CCDC25: variants seen among roughly 807,000 people sequenced by gnomAD.
The protein encoded by CCDC25 is coiled-coil domain-containing protein 25.
A neutral mutation model predicts 35.3 loss-of-function variants in CCDC25; 16 were observed. The ratio of observed to expected loss-of-function variants is 0.45; its 90% CI spans 0.31 to 0.69. The LOEUF is 0.69. Among genes scored for constraint, CCDC25 ranks in the 30% least tolerant of loss-of-function variants. The pLI, the probability that CCDC25 is intolerant of heterozygous loss-of-function variation, is 0.06. For missense variants in CCDC25, 179 were observed against 250.7 expected (o/e 0.71, Z 1.93); for synonymous variants, 79 against 80.3 (o/e 0.98, Z 0.09).
At chr8:27,753,277 G>A (rs889932281) in intron 4 of CCDC25, among the ~76,000 whole-genome samples, 1 of 152,186 alleles carries the variant, frequency 6.6e-6, no homozygotes, top group African/African-American at 2.4e-5. Flanking sequence ...AAAGCCAGCA[G>A]TCTGGCCCCA....
chr8:27,739,512 A>T (rs536113479), intron 8 of CCDC25, among the ~76,000 whole-genome samples: 6 of 152,138 alleles, frequency 3.9e-5, no homozygotes, highest in South Asian at 2.1e-4. Context: ...AAAAACAATT[A>T]AAAAAATACA....
chr8:27,772,460 GGCTT>G, intron 1 of CCDC25, 49 bp downstream of exon 1: 1 of 1,538,542 alleles, frequency 6.5e-7, no homozygotes, highest in Non-Finnish European at 8.8e-7. Flanking sequence ...TGCGGGTCCC[GGCTT>G]CGGAGCCCGC....
intron 8 of CCDC25, among the ~76,000 whole-genome samples, chr8:27,738,818 TG>T (rs1417897310): frequency 6.6e-6 from 1 of 152,224 alleles, no homozygotes; most frequent in Admixed American, 6.5e-5. Context: ...TGAAGACTAC[TG>T]TTTAGTGTTA....
rs546446625 is a variant in CCDC25 at position 27,767,057 on chromosome 8, G to T, written c.29-1806C>A. ...AACATACAGATGGCTTTTGTAATTA[G>T]AACAGAATTTTCAAAATAACAATAT... On this transcript the variant is annotated intron_variant, in intron 1 of 8. Transcript: ENST00000356537. Among the ~76,000 whole-genome samples the T allele has an allele frequency of 9.2e-5, 14 of 152,218 alleles. No individual in the cohort carries two copies. The South Asian group carries it at 2.7e-3, about 29-fold the overall frequency.
At position 27,772,523 on chromosome 8, in the gene CCDC25, G is replaced by A. The variant is rs1253243280; in HGVS notation, c.18C>T (p.Thr6=). MVFYF[T]SSSVNSSAYT... ...GTGGCGCCCACTCACCGCTGCTGCT[G>A]GTGAAGTAGAACACCATGATCCCGG... Residue 6 remains threonine (T), a synonymous_variant, in exon 1 of 9, where the codon ACC becomes ACT. Transcript: ENST00000356537. The A allele has an allele frequency of 6.5e-7, 1 of 1,549,926 alleles. No homozygotes were observed. Among genetic ancestry groups the A allele is most frequent in the East Asian group, 2.4e-5 (1 of 40,912 alleles).
intron 8 of CCDC25, among the ~76,000 whole-genome samples, chr8:27,736,749 G>A (rs546584152): frequency 6.6e-6 from 1 of 152,306 alleles, no homozygotes; most frequent in East Asian, 1.9e-4. Flanking sequence ...CCATCAGGAA[G>A]TCAAACATAG....
chr8:27,761,503 G>A (rs933967625), intron 3 of CCDC25, among the ~76,000 whole-genome samples: 2 of 152,234 alleles, frequency 1.3e-5, no homozygotes, highest in African/African-American at 2.4e-5. Context: ...TTAAGTGCTT[G>A]ACAGATATTC....
At chr8:27,762,332 C>T (rs565741992) in intron 3 of CCDC25, 87 bp downstream of exon 3, 24 of 1,201,686 alleles carry the variant, frequency 2.0e-5, no homozygotes, top group Non-Finnish European at 3.0e-5. Flanking sequence ...AACCACAGTA[C>T]AAAGCATGAT....
At chr8:27,746,958 T>C (rs949867343) in intron 7 of CCDC25, among the ~76,000 whole-genome samples, 6 of 152,204 alleles carry the variant, frequency 3.9e-5, no homozygotes, top group African/African-American at 1.4e-4. Flanking sequence ...ATGTTTCTGA[T>C]TCTACACCAT....
chr8:27,752,257 CA>C (rs1435811359), intron 5 of CCDC25, among the ~76,000 whole-genome samples: 1 of 152,084 alleles, frequency 6.6e-6, no homozygotes, highest in Admixed American at 6.5e-5. Context: ...ACCTTCTATT[CA>C]AGGTAAGGAA....
In CCDC25 at chr8:27,762,436, G is replaced by T. The variant is rs201929139; in HGVS notation, c.99C>A (p.Gly33=). The T allele has an allele frequency of 4.5e-5, 73 of 1,613,220 alleles. 1 individual carries two copies. The Middle Eastern group carries it at 4.9e-4, about 11-fold the overall frequency. ...KYENEDLIKH[G]WPEDIWFHVD... ...TTACTTACCAGATATCTTCAGGCCA[G>T]CCATGCTTGATCAGATCTTCATCTG... Residue 33 remains glycine, a synonymous_variant, in exon 3 of 9, where the codon GGC becomes GGA. Coordinates refer to ENST00000356537, the MANE Select transcript of CCDC25 (RefSeq NM_018246.3).
At chr8:27,769,261 T>C (rs889786195) in intron 1 of CCDC25, among the ~76,000 whole-genome samples, 7 of 152,114 alleles carry the variant, frequency 4.6e-5, no homozygotes, top group Admixed American at 2.0e-4. Flanking sequence ...AGGCCAAATA[T>C]TTTTCTAACA....
At chr8:27,760,048 C>A (rs967300591) in intron 3 of CCDC25, among the ~76,000 whole-genome samples, 5 of 152,126 alleles carry the variant, frequency 3.3e-5, no homozygotes, top group African/African-American at 1.2e-4. Context: ...CACCTACTCA[C>A]ATCACACCTC....
intron 8 of CCDC25, 150 bp downstream of exon 8, chr8:27,740,322 T>A: frequency 1.5e-6 from 1 of 689,382 alleles, no homozygotes; most frequent in East Asian, 2.6e-5. Context: ...GTGCAGTGCC[T>A]AAAAGAATCC....
rs1803158977 is a variant in CCDC25 at position 27,734,745 on chromosome 8, A to C, written c.*1471T>G. ...CAAAAGCGCTATCTACATGTGTTGC[A>C]GTGTGAGGTACAGAGGAATTCTGTA... On this transcript the variant is annotated 3_prime_UTR_variant, in exon 9 of 9. Coordinates refer to ENST00000356537, the MANE Select transcript of CCDC25 (RefSeq NM_018246.3). 1 of 152,218 alleles carries C rather than the reference A, an allele frequency of 6.6e-6. No homozygotes were observed. The highest frequency in any genetic ancestry group is 2.4e-5 in the African/African-American group (1 of 41,446). 9.4% of individuals were successfully genotyped at this position (152,218 alleles called of 1,614,324 possible).
rs1554547881 is a variant in CCDC25, at chr8:27,737,884, T to TCACACG, written c.598-1640_598-1639insCGTGTG. ...AACTGTGGTGTGTGTATACACACAC[T>TCACACG]CACACACACACACACACACACACAC... is the stretch of plus-strand genomic sequence containing the variant. On this transcript the variant is annotated intron_variant, in intron 8 of 8. Transcript: ENST00000356537. The surrounding 1 kb of genome is among the most constrained non-coding windows in gnomAD (Gnocchi z 4.6). Among the ~76,000 whole-genome samples the TCACACG allele has an allele frequency of 6.7e-6, 1 of 148,446 alleles. No homozygotes were observed. Among genetic ancestry groups the TCACACG allele is most frequent in the Non-Finnish European group, 1.5e-5 (1 of 66,818 alleles).
At chr8:27,742,588 G>C (rs1469700058) in intron 7 of CCDC25, among the ~76,000 whole-genome samples, 1 of 152,148 alleles carries the variant, frequency 6.6e-6, no homozygotes, top group Non-Finnish European at 1.5e-5. Flanking sequence ...TCTTGGGCTG[G>C]GCACGGTAGC....
intron 1 of CCDC25, among the ~76,000 whole-genome samples, chr8:27,768,927 T>A (rs1804495019): frequency 6.6e-6 from 1 of 152,242 alleles, no homozygotes; most frequent in Non-Finnish European, 1.5e-5. Context: ...TAGACTAATG[T>A]TCAATTATTC....
chr8:27,758,144 T>C (rs1384949889), intron 3 of CCDC25, among the ~76,000 whole-genome samples: 1 of 152,236 alleles, frequency 6.6e-6, no homozygotes, highest in Non-Finnish European at 1.5e-5. Flanking sequence ...ACATTAGTCA[T>C]ACTGCTTCCT....
Sources: allele counts gnomAD v4.1 joint callset (sites outside exome capture counted in the v4.1 genomes callset), GRCh38; gene constraint gnomAD v4.1.1; non-coding constraint Gnocchi (gnomAD v3.1); transcripts MANE v1.5; gene names NCBI Gene and HGNC (gene_info 2026-07-23, HGNC 2026-07-21).